Variants in PDE11A observed in about 807,000 individuals in gnomAD.
PDE11A encodes phosphodiesterase 11A.
Under a neutral mutation model 100.5 loss-of-function variants are expected in PDE11A, and 100 were observed. The ratio of observed to expected loss-of-function variants is 1.00; its 90% CI spans 0.85 to 1.18. PDE11A has a LOEUF of 1.18. Among genes scored for constraint, PDE11A ranks in the 50% most tolerant of loss-of-function variants. The pLI is 0.00. For synonymous variants in PDE11A, 381 were observed against 420.8 expected, an observed-to-expected ratio of 0.91 and a Z score of 1.16; for missense variants, 1,141 against 1,152.6, an observed-to-expected ratio of 0.99 and a Z score of 0.15.
At chr2:177,860,894 C>T (rs2083933765) in intron 5 of PDE11A, among the ~76,000 whole-genome samples, 1 of 151,674 alleles carries the variant, frequency 6.6e-6, no homozygotes, top group South Asian at 2.1e-4. Context: ...TGCTTTCATG[C>T]CACTTAACAA....
At chr2:178,078,952 TA>T (rs2087249689) in intron 2 of PDE11A, among the ~76,000 whole-genome samples, 1 of 152,136 alleles carries the variant, frequency 6.6e-6, no homozygotes, top group African/African-American at 2.4e-5. Flanking sequence ...CAACTGACAA[TA>T]CAAGATACCA....
chr2:177,880,954 G>A (rs2084323030), intron 4 of PDE11A, among the ~76,000 whole-genome samples: 1 of 152,196 alleles, frequency 6.6e-6, no homozygotes, highest in Non-Finnish European at 1.5e-5. Flanking sequence ...GGGCTAAGGG[G>A]TGCCCAGATA....
chr2:178,058,590 T>A (rs559983519), intron 1 of PDE11A, among the ~76,000 whole-genome samples: 7 of 152,344 alleles, frequency 4.6e-5, no homozygotes, highest in East Asian at 1.9e-4. Flanking sequence ...CTCGGGTATG[T>A]CTTTATCAGC....
rs949723171 is a variant in PDE11A at position 178,071,526 on chromosome 2, C to T, written c.912G>A (p.Gln304=). Residue 304 remains glutamine (Q), a splice_region_variant and synonymous_variant, in exon 1 of 20, where the codon CAG becomes CAA. Transcript: ENST00000286063. Reference sequence around the variant, plus strand: ...AGAAGGGGACAATGCAAAGTCCTACCTGGTAGGCATCAGGAATGTTGACCG... The same window carrying T: ...AGAAGGGGACAATGCAAAGTCCTACTTGGTAGGCATCAGGAATGTTGACCG... The part of the protein sequence containing the change: ...GETVNIPDAY[Q]DRRFNDEIDK... The T allele has an allele frequency of 1.2e-6, 2 of 1,613,066 alleles. No homozygotes were observed. Among genetic ancestry groups the T allele is most frequent in the Non-Finnish European group, 1.7e-6 (2 of 1,179,142 alleles).
intron 5 of PDE11A, among the ~76,000 whole-genome samples, chr2:177,864,043 T>C (rs952216544): frequency 6.6e-6 from 1 of 152,112 alleles, no homozygotes; most frequent in African/African-American, 2.4e-5. Flanking sequence ...GATGTTGCCA[T>C]TTGCCATGAC....
chr2:177,768,632 T>C (rs1016536383), intron 10 of PDE11A, among the ~76,000 whole-genome samples: 8 of 152,158 alleles, frequency 5.3e-5, no homozygotes, highest in Non-Finnish European at 1.2e-4. Context: ...GAATTGCACT[T>C]AAGGAAATGG....
intron 2 of PDE11A, among the ~76,000 whole-genome samples, chr2:177,964,416 A>G: frequency 6.6e-6 from 1 of 152,074 alleles, no homozygotes; most frequent in East Asian, 1.9e-4. Flanking sequence ...TTCAGGGGGT[A>G]CATGTGCAGG....
At chr2:177,762,250 G>C (rs1258259199) in intron 10 of PDE11A, among the ~76,000 whole-genome samples, 1 of 152,114 alleles carries the variant, frequency 6.6e-6, no homozygotes, top group Non-Finnish European at 1.5e-5. Flanking sequence ...CCAGGAGGTC[G>C]TAGCTCTGTG....
intron 2 of PDE11A, chr2:177,998,285 T>A (rs2086102058): frequency 4.8e-6 from 4 of 826,908 alleles, no homozygotes; most frequent in Non-Finnish European, 6.5e-6. Flanking sequence ...CTTCATCTGG[T>A]AAAGTCTTAA....
intron 2 of PDE11A, among the ~76,000 whole-genome samples, chr2:178,079,940 G>A (rs977034902): frequency 2.6e-5 from 4 of 152,192 alleles, no homozygotes; most frequent in Non-Finnish European, 5.9e-5. Context: ...GCACATGAAT[G>A]TCTTCTTTTG....
intron 5 of PDE11A, among the ~76,000 whole-genome samples, chr2:177,867,665 G>T (rs964942331): frequency 6.6e-6 from 1 of 152,172 alleles, no homozygotes; most frequent in Admixed American, 6.5e-5. Flanking sequence ...GGCAGAGGTT[G>T]CAGTGAGCCG....
At chr2:177,877,806 T>C (rs1375206613) in intron 4 of PDE11A, among the ~76,000 whole-genome samples, 3 of 152,244 alleles carry the variant, frequency 2.0e-5, no homozygotes, top group Non-Finnish European at 2.9e-5. Context: ...TTTGACAAGA[T>C]ATACCACATG....
chr2:177,853,333 G>A (rs540804896), intron 5 of PDE11A, among the ~76,000 whole-genome samples: 18 of 151,824 alleles, frequency 1.2e-4, no homozygotes, highest in Non-Finnish European at 2.4e-4. Context: ...AATAAATACC[G>A]GCTCTTTATA....
intron 5 of PDE11A, among the ~76,000 whole-genome samples, chr2:177,869,057 G>A (rs951008059): frequency 1.3e-5 from 2 of 152,188 alleles, no homozygotes; most frequent in Non-Finnish European, 2.9e-5. Flanking sequence ...GTATGTGCAT[G>A]CATGCATGAG....
chr2:177,843,429 C>T (rs16865825), intron 5 of PDE11A, among the ~76,000 whole-genome samples: 35,057 of 152,070 alleles, frequency 0.23, 4,116 homozygotes, highest in Middle Eastern at 0.3. Context: ...AAACACTTCA[C>T]TGTGAGACTT....
At chr2:177,687,581 T>C (rs1397156360) in intron 15 of PDE11A, 4 of 152,226 alleles carry the variant, frequency 2.6e-5, no homozygotes, top group African/African-American at 7.2e-5. Flanking sequence ...TCCTGGAAGA[T>C]GAAAATTTAT....
intron 13 of PDE11A, among the ~76,000 whole-genome samples, chr2:177,708,884 T>C (rs1004810389): frequency 3.2e-4 from 48 of 152,346 alleles, no homozygotes; most frequent in African/African-American, 1.0e-3. Context: ...GTGCACACTT[T>C]GGAAAAGGCA....
intron 5 of PDE11A, among the ~76,000 whole-genome samples, chr2:177,857,258 A>G (rs935412955): frequency 1.3e-5 from 2 of 152,008 alleles, no homozygotes; most frequent in African/African-American, 4.8e-5. Flanking sequence ...AACTGAGAAA[A>G]TTTGTTTCCA....
chr2:177,779,991 C>T (rs1371003048), intron 9 of PDE11A, among the ~76,000 whole-genome samples: 1 of 152,170 alleles, frequency 6.6e-6, no homozygotes, highest in East Asian at 1.9e-4. Context: ...TACTCTTGAT[C>T]TATGGGCTGC....
Sources: gnomAD v4.1 joint callset for allele counts (sites outside exome capture counted in the v4.1 genomes callset) on GRCh38, gnomAD v4.1.1 for gene constraint, MANE v1.5 for transcripts, NCBI Gene and HGNC (gene_info 2026-07-23, HGNC 2026-07-21) for gene names.